Variants in PHF3 observed in about 807,000 individuals in gnomAD.
PHF3 encodes PHD finger protein 3.
PHF3 carries 41 observed loss-of-function variants against 178.4 expected under a neutral mutation model. The observed-to-expected ratio is 0.23, with a 90% confidence interval of 0.18 to 0.30. PHF3 has a LOEUF of 0.30. PHF3 is among the 10% of genes least tolerant of loss of function. The pLI is 1.00. For synonymous variants in PHF3, 842 were observed against 800.5 expected, an observed-to-expected ratio of 1.05 and a Z score of -0.88; for missense variants, 2,346 against 2,398.1, an observed-to-expected ratio of 0.98 and a Z score of 0.45.
At position 63,722,865 on chromosome 6, in the gene PHF3, C is replaced by T. The variant is rs895919188; in HGVS notation, c.*9157C>T. ...GGCAGCTCTATAGTTCTTCACCTAT[C>T]AAACTACGTTCTCTAGCTTTATTTT... On this transcript the variant is annotated 3_prime_UTR_variant, in exon 16 of 16. Coordinates refer to ENST00000262043, the MANE Select transcript of PHF3 (RefSeq NM_001370348.2). 1.3e-5 allele frequency among the ~76,000 whole-genome samples: 2 copies of T among 152,210 alleles called. No homozygotes were observed. Among genetic ancestry groups the T allele is most frequent in the African/African-American group, 4.8e-5 (2 of 41,468 alleles).
intron 6 of PHF3, among the ~76,000 whole-genome samples, chr6:63,697,772 T>C (rs1229895328): frequency 6.6e-6 from 1 of 152,196 alleles, no homozygotes; most frequent in Non-Finnish European, 1.5e-5. Flanking sequence ...TGTGCTGGTA[T>C]AATAAGTCAG....
Position 63,725,583 on chromosome 6 carries a change from A to G in PHF3, c.*11875A>G, listed in dbSNP as rs1339353158. Among the ~76,000 whole-genome samples, 1 of 152,134 alleles carries G rather than the reference A, an allele frequency of 6.6e-6. No individual in the cohort carries two copies. Among genetic ancestry groups the G allele is most frequent in the African/African-American group, 2.4e-5 (1 of 41,450 alleles). ...TTTAATCATGAATTTAAAACCAAAT[A>G]TCTCAGGAGAACAAATTTCTTCTGA... On this transcript the variant is annotated 3_prime_UTR_variant, in exon 16 of 16. Coordinates refer to ENST00000262043, the MANE Select transcript of PHF3 (RefSeq NM_001370348.2).
Position 63,635,998 on chromosome 6 carries a change from A to G in PHF3, c.-178A>G. The G allele has an allele frequency of 2.5e-6, 1 of 397,828 alleles. No homozygotes were observed. The highest frequency in any genetic ancestry group is 4.4e-6 in the Non-Finnish European group (1 of 225,528). The allele number at this position is 397,828 out of a possible 1,614,324, so 24.6% of individuals were successfully genotyped here. ...TCGTCAGCAGCAGCCATTTGGTCCCAGGAGGAAAAGAGGCTGTGGCAGCGA... is the reference window on the plus strand; with the variant it reads ...TCGTCAGCAGCAGCCATTTGGTCCCGGGAGGAAAAGAGGCTGTGGCAGCGA... On this transcript the variant is annotated 5_prime_UTR_variant, in exon 1 of 16. Coordinates refer to ENST00000262043, the MANE Select transcript of PHF3 (RefSeq NM_001370348.2).
intron 2 of PHF3, among the ~76,000 whole-genome samples, chr6:63,676,250 G>A (rs1404757755): frequency 6.6e-6 from 1 of 152,154 alleles, no homozygotes; most frequent in Non-Finnish European, 1.5e-5. Context: ...GTTATTCTAG[G>A]TTCTGGGGAT....
Position 63,713,019 on chromosome 6 carries a change from A to T in PHF3, c.5431A>T (p.Ser1811Cys). 1 of 1,614,008 alleles carries T rather than the reference A, an allele frequency of 6.2e-7. No individual in the cohort carries two copies. The highest frequency in any genetic ancestry group is 2.2e-5 in the East Asian group (1 of 44,866). ...QQPNLQHLKSSPPGFPFPGPP... is the reference protein window; with the variant it reads ...QQPNLQHLKSCPPGFPFPGPP... ...GCCCAACCTTCAGCATCTCAAGTCT[A>T]GCCCACCTGGATTTCCATTTCCAGG... The change falls in exon 16 of 16, where the codon AGC becomes TGC. Residue 1811 changes from serine to cysteine, a missense_variant. Around this residue, in one of 8 missense-constraint regions of PHF3, gnomAD observed 839 missense variants for 806.9 expected, o/e 1.04. Coordinates refer to ENST00000262043, the MANE Select transcript of PHF3 (RefSeq NM_001370348.2).
intron 1 of PHF3, among the ~76,000 whole-genome samples, chr6:63,643,935 A>T (rs1764678749): frequency 6.6e-6 from 1 of 152,188 alleles, no homozygotes; most frequent in Admixed American, 6.5e-5. Context: ...CCTTTAGATG[A>T]CTAGTTAGAA....
In PHF3 at chr6:63,703,523, T is replaced by C; in HGVS notation, c.3232-13T>C. The C allele has an allele frequency of 6.3e-7, 1 of 1,591,688 alleles. No individual in the cohort carries two copies. ...TATCAGCTAAAACTAATTTTTACTT[T>C]GACTTACGTTAGGAACCAGCCGCCA... On this transcript the variant is annotated splice_polypyrimidine_tract_variant and intron_variant, in intron 10 of 15. Coordinates refer to ENST00000262043, the MANE Select transcript of PHF3 (RefSeq NM_001370348.2).
intron 5 of PHF3, 59 bp from the exon 6 acceptor site, chr6:63,694,522 T>A: frequency 8.0e-7 from 1 of 1,246,882 alleles, no homozygotes; most frequent in Non-Finnish European, 1.1e-6. Flanking sequence ...TTGTACGTCT[T>A]AAAAAACAAA....
chr6:63,721,940 T>G lies in PHF3; in HGVS notation c.*8232T>G. 2.7e-6 allele frequency: 2 copies of G among 746,860 alleles called. No homozygotes were observed. 46.3% of individuals were successfully genotyped at this position (746,860 alleles called of 1,614,324 possible). The stretch of plus-strand genomic sequence containing the variant: ...TGAGCACAATTGTGTTAGTTTTGTT[T>G]CCACTCACAGAGCAAAATGCATATA... On this transcript the variant is annotated 3_prime_UTR_variant, in exon 16 of 16. Coordinates refer to ENST00000262043, the MANE Select transcript of PHF3 (RefSeq NM_001370348.2).
chr6:63,694,492 C>A, intron 5 of PHF3, 89 bp from the exon 6 acceptor site: 3 of 894,804 alleles, frequency 3.4e-6, no homozygotes, highest in Non-Finnish European at 3.2e-6. Flanking sequence ...TCTCATTTTA[C>A]TAATAATCAA....
chr6:63,670,017 A>G (rs530348986), intron 2 of PHF3, among the ~76,000 whole-genome samples: 1 of 152,172 alleles, frequency 6.6e-6, no homozygotes, highest in South Asian at 2.1e-4. Context: ...TCTCTTTAAT[A>G]TACTTGATGA....
chr6:63,685,522 A>C lies in PHF3; in HGVS notation c.1800A>C (p.Ser600=), dbSNP rs1766652122. ...TAACTCATTCTTTGAGTGATAAGTC[A>C]CACGCTCATCCTGGTTGCTTGAAAG... is the stretch of plus-strand genomic sequence containing the variant. ...KPLTHSLSDK[S]HAHPGCLKEP... The change falls in exon 4 of 16, where the codon TCA becomes TCC. Residue 600 remains serine, a synonymous_variant. Coordinates refer to ENST00000262043, the MANE Select transcript of PHF3 (RefSeq NM_001370348.2). 6.2e-7 allele frequency: 1 copy of C among 1,614,040 alleles called. No individual in the cohort carries two copies. The highest frequency in any genetic ancestry group is 1.3e-5 in the African/African-American group (1 of 74,926).
intron 1 of PHF3, among the ~76,000 whole-genome samples, chr6:63,645,397 T>C (rs1383935976): frequency 6.6e-6 from 1 of 152,208 alleles, no homozygotes; most frequent in Non-Finnish European, 1.5e-5. Context: ...TTATTGGGGC[T>C]TAAATTATAT....
intron 2 of PHF3, among the ~76,000 whole-genome samples, chr6:63,649,384 C>G (rs1764928238): frequency 6.6e-6 from 1 of 152,160 alleles, no homozygotes; most frequent in Non-Finnish European, 1.5e-5. Flanking sequence ...TGGGCTTTTA[C>G]TAGCTGTTTT....
intron 4 of PHF3, among the ~76,000 whole-genome samples, chr6:63,691,373 A>C (rs867779254): frequency 6.6e-6 from 1 of 151,998 alleles, no homozygotes; most frequent in Non-Finnish European, 1.5e-5. Flanking sequence ...ATTATTACCA[A>C]GATCTTACCA....
intron 2 of PHF3, among the ~76,000 whole-genome samples, chr6:63,660,379 T>TA (rs1765415038): frequency 6.6e-6 from 1 of 151,870 alleles, no homozygotes; most frequent in South Asian, 2.1e-4. Context: ...TCATACTCAT[T>TA]TTACAGTTGA....
At chr6:63,655,870 T>G (rs1456956214) in intron 2 of PHF3, among the ~76,000 whole-genome samples, 1 of 152,196 alleles carries the variant, frequency 6.6e-6, no homozygotes, top group Non-Finnish European at 1.5e-5. Flanking sequence ...CTTGAACTCC[T>G]GGGCTCAAGC....
intron 2 of PHF3, among the ~76,000 whole-genome samples, chr6:63,668,576 A>G (rs552654133): frequency 1.5e-4 from 23 of 152,228 alleles, no homozygotes; most frequent in East Asian, 3.9e-4. Context: ...TCCTGGGCTC[A>G]AGTGATTGTC....
Position 63,715,027 on chromosome 6 carries a change from CTAT to C in PHF3, c.*1324_*1326del, listed in dbSNP as rs1768140596. On this transcript the variant is annotated 3_prime_UTR_variant, in exon 16 of 16. Coordinates refer to ENST00000262043, the MANE Select transcript of PHF3 (RefSeq NM_001370348.2). ...TCCAAAATACAAAAGAAAGAGAACTCTATTATTTACTTACCTGTATTAATGAAG... is the reference window on the plus strand; with the variant it reads ...TCCAAAATACAAAAGAAAGAGAACTCTATTTACTTACCTGTATTAATGAAG... The C allele has an allele frequency of 6.6e-6, 1 of 151,982 alleles. No individual in the cohort carries two copies. Among genetic ancestry groups the C allele is most frequent in the South Asian group, 2.1e-4 (1 of 4,828 alleles). 9.4% of individuals were successfully genotyped at this position (151,982 alleles called of 1,614,324 possible). A position where few individuals can be genotyped will look rare whatever the true frequency, so the allele number is the denominator to read the frequency against.
Sources: allele counts gnomAD v4.1 joint callset (sites outside exome capture counted in the v4.1 genomes callset), GRCh38; gene constraint gnomAD v4.1.1; regional missense constraint gnomAD v4.1.1; transcripts MANE v1.5; gene names NCBI Gene and HGNC (gene_info 2026-07-23, HGNC 2026-07-21).